The following CHEK1 variants were observed in gnomAD, a reference collection of about 807,000 sequenced individuals.
CHEK1 encodes serine/threonine-protein kinase Chk1.
In CHEK1, 32 loss-of-function variants were observed where a neutral mutation model predicts 60.2. The observed-to-expected ratio is 0.53, with a 90% CI of 0.40 to 0.71. The LOEUF (loss-of-function observed/expected upper bound fraction) is 0.71. Ranked by LOEUF, CHEK1 falls within the 30% of genes least tolerant of loss-of-function variation. The probability of loss-of-function intolerance (pLI) is 0.00; values close to 1 mark genes in which losing one functional copy is unlikely to be tolerated. For missense variants in CHEK1, 399 were observed against 564.6 expected (o/e 0.71, Z 2.97); for synonymous variants, 179 against 187.2 (o/e 0.96, Z 0.36).
chr11:125,629,691 C>G (rs1940786851), intron 5 of CHEK1, among the ~76,000 whole-genome samples: 1 of 151,764 alleles, frequency 6.6e-6, no homozygotes, highest in Admixed American at 6.6e-5. Flanking sequence ...GAAATCTGAC[C>G]TAGGTGCAAG....
intron 13 of CHEK1, among the ~76,000 whole-genome samples, chr11:125,663,146 C>A (rs1365405307): frequency 7.5e-5 from 11 of 147,430 alleles, no homozygotes; most frequent in South Asian, 4.3e-4. Flanking sequence ...AAAAAAAAAA[C>A]AAATATGTCT....
At chr11:125,678,978 T>TTATATATATATATATATATATATA (rs10522682), downstream of CHEK1, among the ~76,000 whole-genome samples, 3,367 of 86,914 alleles carry the variant, frequency 0.039, 238 homozygotes, top group Admixed American at 0.051. Flanking sequence ...TCTAGGCATA[T>TTATATATATATATATATATATATA]TATATATATA....
chr11:125,642,679 G>T (rs576116817), intron 8 of CHEK1, among the ~76,000 whole-genome samples: 24 of 152,324 alleles, frequency 1.6e-4, no homozygotes, highest in African/African-American at 5.5e-4. Flanking sequence ...CCCTAAGGAG[G>T]TAGAAGGGTA....
chr11:125,678,403 A>G (rs1405701976), downstream of CHEK1: 22 of 1,364,576 alleles, frequency 1.6e-5, no homozygotes, highest in Non-Finnish European at 2.2e-5. Flanking sequence ...TAGGTTTCCT[A>G]TGGGCCTAGA....
At chr11:125,639,112 T>A (rs1941183437) in intron 8 of CHEK1, among the ~76,000 whole-genome samples, 2 of 152,142 alleles carry the variant, frequency 1.3e-5, no homozygotes, top group Admixed American at 1.3e-4. Context: ...TTCATCATCT[T>A]CAATTTCCTT....
chr11:125,653,187 T>C lies in CHEK1; in HGVS notation c.1234-559T>C, dbSNP rs549772781. On this transcript the variant is annotated intron_variant, in intron 11 of 12. Transcript: ENST00000438015. The surrounding 1 kb of genome is among the most constrained non-coding windows in gnomAD (Gnocchi z 4.3). Reference sequence around the variant, plus strand: ...AGTAGTATTTCATTGTGTATATATATCATATTATCCTCATCTGTTTGCTTG... The same window carrying C: ...AGTAGTATTTCATTGTGTATATATACCATATTATCCTCATCTGTTTGCTTG... Among the ~76,000 whole-genome samples, 1 of 152,228 alleles carries C rather than the reference T, an allele frequency of 6.6e-6. No homozygotes were observed. Among genetic ancestry groups the C allele is most frequent in the South Asian group, 2.1e-4 (1 of 4,816 alleles).
Position 125,643,828 on chromosome 11 carries a change from C to T in CHEK1, c.851C>T (p.Ser284Leu). The change falls in exon 9 of 13, where the codon TCA (serine) becomes TTA (leucine). Residue 284 changes from serine (S) to leucine (L), a missense_variant. By Grantham distance (145) the Ser-to-Leu change is moderately radical. This residue lies in a region of CHEK1 where 370 missense variants were observed against 494.8 expected (regional missense o/e 0.75). Coordinates refer to ENST00000438015, the MANE Select transcript of CHEK1 (RefSeq NM_001114122.3). The part of the protein sequence containing the change: ...KRPRVTSGGV[S>L]ESPSGFSKHI... ...CCCCGAGTCACTTCAGGTGGTGTGT[C>T]AGAGTCTCCCAGTGGATTTTCTAAG... 1 of 1,614,138 alleles carries T rather than the reference C, an allele frequency of 6.2e-7. No homozygotes were observed. Among genetic ancestry groups the T allele is most frequent in the Non-Finnish European group, 8.5e-7 (1 of 1,180,028 alleles).
rs561280674 is a variant in CHEK1 at position 125,663,575 on chromosome 11, A to G, written c.*27+8228A>G. Among the ~76,000 whole-genome samples the G allele has an allele frequency of 9.2e-5, 14 of 151,908 alleles. No individual in the cohort carries two copies. The South Asian group carries it at 2.9e-3, about 32-fold the overall frequency. On this transcript the variant is annotated intron_variant, in intron 13 of 13. Coordinates refer to the CHEK1 transcript ENST00000428830. ...ATTCTGGATATTAGACCTTCGTTGA[A>G]TTATGTGGTTTGCAAATATTTTCTT...
intron 9 of CHEK1, 21 bp downstream of exon 9, chr11:125,643,921 G>A (rs1241281597): frequency 1.4e-5 from 22 of 1,597,054 alleles, no homozygotes; most frequent in Non-Finnish European, 1.9e-5. Flanking sequence ...TAAAGATTGA[G>A]TAGTTTTTGA....
At position 125,625,877 on chromosome 11, in the gene CHEK1, G is replaced by C. The variant is rs1479304104; in HGVS notation, c.-156G>C. 1.9e-5 allele frequency: 13 copies of C among 702,546 alleles called. No individual in the cohort carries two copies. Among genetic ancestry groups the C allele is most frequent in the Admixed American group, 4.0e-5 (2 of 50,006 alleles). The allele number at this position is 702,546 out of a possible 1,614,324, so 43.5% of individuals were successfully genotyped here. A position where few individuals can be genotyped will look rare whatever the true frequency, so the allele number is the denominator to read the frequency against. ...CCTTTTGGAGCCGCCGACATTCAGA[G>C]GGGCAGGACACGGGAACGCGCGCTG... On this transcript the variant is annotated 5_prime_UTR_variant, in exon 1 of 13. Transcript: ENST00000438015.
intron 5 of CHEK1, among the ~76,000 whole-genome samples, chr11:125,630,663 A>G (rs1940829656): frequency 6.6e-6 from 1 of 152,032 alleles, no homozygotes; most frequent in Admixed American, 6.5e-5. Flanking sequence ...ACCCCTTTAA[A>G]CTGAGTTTAT....
At chr11:125,629,356 A>C (rs1940767463) in intron 4 of CHEK1, 35 bp from the exon 5 acceptor site, 1 of 1,611,980 alleles carries the variant, frequency 6.2e-7, no homozygotes, top group Non-Finnish European at 8.5e-7. Flanking sequence ...TTACATTACC[A>C]AATTCTAGTG....
chr11:125,666,682 G>T (rs1942105470), intron 13 of CHEK1, among the ~76,000 whole-genome samples: 1 of 151,866 alleles, frequency 6.6e-6, no homozygotes, highest in South Asian at 2.1e-4. Flanking sequence ...TATGGTGCTG[G>T]GTACATGTAT....
In CHEK1 at chr11:125,626,841, C is replaced by G. The variant is rs181686273; in HGVS notation, c.65+8C>G. The stretch of plus-strand genomic sequence containing the variant: ...AGAAGGTGCCTATGGAGAGTGAGTT[C>G]TTTTAAGCTTGCCTTCGTTTTCTGA... On this transcript the variant is annotated splice_region_variant and intron_variant, in intron 2 of 12. Coordinates refer to ENST00000438015, the MANE Select transcript of CHEK1 (RefSeq NM_001114122.3). The G allele has an allele frequency of 1.9e-6, 3 of 1,614,034 alleles. No homozygotes were observed. Among genetic ancestry groups the G allele is most frequent in the Non-Finnish European group, 2.5e-6 (3 of 1,179,952 alleles).
intron 3 of CHEK1, 60 bp from the exon 4 acceptor site, chr11:125,629,172 G>A (rs1386381974): frequency 2.0e-6 from 3 of 1,499,858 alleles, no homozygotes; most frequent in South Asian, 1.1e-5. Context: ...AAATTAAGAA[G>A]CTATGTGGTT....
At chr11:125,643,022 T>C (rs1941362767) in intron 8 of CHEK1, 1 of 152,148 alleles carries the variant, frequency 6.6e-6, no homozygotes, top group South Asian at 2.1e-4. Flanking sequence ...ATATTCTTCT[T>C]TATAAAGCTT....
intron 8 of CHEK1, chr11:125,643,202 G>A (rs7951938): frequency 0.32 from 48,398 of 152,140 alleles, 7,959 homozygotes; most frequent in East Asian, 0.42. Flanking sequence ...GGCCTGGGCC[G>A]GGCGCAGTGG....
At chr11:125,627,880 T>C in intron 3 of CHEK1, 50 bp downstream of exon 3, 1 of 1,383,308 alleles carries the variant, frequency 7.2e-7, no homozygotes, top group Non-Finnish European at 9.7e-7. Context: ...TTAAATTTGT[T>C]TTTTAAATCT....
At chr11:125,641,667 T>C (rs1941307492) in intron 8 of CHEK1, among the ~76,000 whole-genome samples, 1 of 152,214 alleles carries the variant, frequency 6.6e-6, no homozygotes, top group South Asian at 2.1e-4. Flanking sequence ...GCATTATTCT[T>C]ATTATGCAGA....
Sources: gnomAD v4.1 joint callset for allele counts (sites outside exome capture counted in the v4.1 genomes callset) on GRCh38, gnomAD v4.1.1 for gene constraint, gnomAD v4.1.1 regional missense constraint, Gnocchi (gnomAD v3.1) non-coding constraint, MANE v1.5 for transcripts, NCBI Gene and HGNC (gene_info 2026-07-23, HGNC 2026-07-21) for gene names.